Variants in CSMD1 observed in about 807,000 individuals in gnomAD.
The protein encoded by CSMD1 is CUB and Sushi multiple domains 1.
In CSMD1, 213 loss-of-function variants were observed where a neutral mutation model predicts 417.5. That is an observed-to-expected ratio of 0.51 (90% CI 0.46 to 0.57). CSMD1 has a LOEUF of 0.57. CSMD1 is among the 20% of genes least tolerant of loss of function. The probability of loss-of-function intolerance (pLI) is 0.00; values close to 1 mark genes in which losing one functional copy is unlikely to be tolerated. For synonymous variants in CSMD1, 2,862 were observed against 1,736.8 expected (o/e 1.65, Z -16.11); for missense variants, 6,923 against 4,529.7 (o/e 1.53, Z -15.17).
intron 2 of CSMD1, among the ~76,000 whole-genome samples, chr8:4,589,143 T>C (rs1037109615): frequency 1.3e-5 from 2 of 152,168 alleles, no homozygotes; most frequent in African/African-American, 2.4e-5. Context: ...AGAATTTTCA[T>C]TGCTCTCAAT....
At chr8:3,446,802 T>A (rs1187942871) in intron 12 of CSMD1, among the ~76,000 whole-genome samples, 1 of 152,240 alleles carries the variant, frequency 6.6e-6, no homozygotes, top group African/African-American at 2.4e-5. Flanking sequence ...GTTGGAAATA[T>A]AAATATGTAT....
At chr8:3,718,594 T>A (rs993358653) in intron 6 of CSMD1, among the ~76,000 whole-genome samples, 3 of 152,176 alleles carry the variant, frequency 2.0e-5, no homozygotes, top group Admixed American at 1.3e-4. Flanking sequence ...AAGATAAATG[T>A]CTCATATATG....
At chr8:3,705,676 C>G (rs1801127707) in intron 7 of CSMD1, among the ~76,000 whole-genome samples, 1 of 152,258 alleles carries the variant, frequency 6.6e-6, no homozygotes, top group South Asian at 2.1e-4. Context: ...CATAAATCTT[C>G]TGTCATATCC....
At chr8:2,939,435 C>T (rs978659896) in intron 69 of CSMD1, among the ~76,000 whole-genome samples, 2 of 152,164 alleles carry the variant, frequency 1.3e-5, no homozygotes, top group Non-Finnish European at 2.9e-5. Flanking sequence ...ACTGTTGTCA[C>T]ATTTTCTGGT....
Position 4,533,862 on chromosome 8 carries a change from TG to T in CSMD1, c.302+103479del, listed in dbSNP as rs770048548. Among the ~76,000 whole-genome samples, 20 of 150,010 alleles carry T rather than the reference TG, an allele frequency of 1.3e-4. No homozygotes were observed. The South Asian group carries it at 4.0e-3, about 30-fold the overall frequency. On this transcript the variant is annotated intron_variant, in intron 2 of 69. Coordinates refer to ENST00000635120, the MANE Select transcript of CSMD1 (RefSeq NM_033225.6). Reference sequence around the variant, plus strand: ...AAGTGACAAATCTGCCCTTTTGGAGTGTATGTATGTGTATAAATAAATATAT... The same window carrying T: ...AAGTGACAAATCTGCCCTTTTGGAGTTATGTATGTGTATAAATAAATATAT...
intron 10 of CSMD1, among the ~76,000 whole-genome samples, chr8:3,516,766 C>G (rs1585289244): frequency 2.0e-5 from 3 of 152,150 alleles, no homozygotes; most frequent in African/African-American, 7.2e-5. Context: ...TGCACCTTAT[C>G]TGTAGTTACA....
chr8:4,178,645 C>T (rs1446439350), intron 3 of CSMD1, among the ~76,000 whole-genome samples: 7 of 152,088 alleles, frequency 4.6e-5, no homozygotes, highest in African/African-American at 1.7e-4. Flanking sequence ...CAAATTGTCC[C>T]TTTTTGCAGA....
chr8:4,446,095 G>A (rs1050583740), intron 2 of CSMD1, among the ~76,000 whole-genome samples: 3 of 152,296 alleles, frequency 2.0e-5, no homozygotes, highest in African/African-American at 2.4e-5. Flanking sequence ...CGTGTTCACT[G>A]TAGACAGCAA....
chr8:4,841,797 G>A (rs1199440841), intron 1 of CSMD1, among the ~76,000 whole-genome samples: 1 of 150,670 alleles, frequency 6.6e-6, no homozygotes, highest in Admixed American at 6.7e-5. Flanking sequence ...TGTAATCCTA[G>A]CTACTCGGGA....
intron 5 of CSMD1, among the ~76,000 whole-genome samples, chr8:3,834,649 T>A (rs999067886): frequency 2.0e-5 from 3 of 152,180 alleles, no homozygotes; most frequent in Admixed American, 6.6e-5. Flanking sequence ...TAGTAAATTA[T>A]CAAACCTGAT....
intron 3 of CSMD1, among the ~76,000 whole-genome samples, chr8:4,293,093 G>A (rs76533076): frequency 0.031 from 4,722 of 152,160 alleles, 108 homozygotes; most frequent in Non-Finnish European, 0.052. Flanking sequence ...CTGCACATGC[G>A]GAAACAGCAG....
chr8:3,984,868 A>T (rs1414572307), intron 5 of CSMD1, among the ~76,000 whole-genome samples: 1 of 151,520 alleles, frequency 6.6e-6, no homozygotes, highest in Non-Finnish European at 1.5e-5. Flanking sequence ...AAATGAAGAG[A>T]AAGTTTGAAT....
intron 2 of CSMD1, among the ~76,000 whole-genome samples, chr8:4,611,869 T>A (rs1585329157): frequency 6.6e-6 from 1 of 152,306 alleles, no homozygotes; most frequent in Middle Eastern, 3.4e-3. Flanking sequence ...CCTGCCACCT[T>A]CATAATGCAT....
At chr8:3,305,624 C>G (rs773900861) in intron 25 of CSMD1, among the ~76,000 whole-genome samples, 17 of 151,982 alleles carry the variant, frequency 1.1e-4, no homozygotes, top group African/African-American at 2.7e-4. Context: ...ATGCCATGCC[C>G]TTGGACTTCC....
At chr8:3,770,364 A>G (rs1292677179) in intron 5 of CSMD1, among the ~76,000 whole-genome samples, 1 of 152,122 alleles carries the variant, frequency 6.6e-6, no homozygotes, top group South Asian at 2.1e-4. Context: ...CCCCGTCTCT[A>G]CTAAAAATAC....
intron 2 of CSMD1, among the ~76,000 whole-genome samples, chr8:4,424,211 A>G (rs1154045): frequency 0.016 from 2,399 of 152,194 alleles, 64 homozygotes; most frequent in African/African-American, 0.053. Flanking sequence ...TAAAAATTAA[A>G]AACTTTGGCT....
intron 7 of CSMD1, among the ~76,000 whole-genome samples, chr8:3,644,966 GA>G (rs71203456): frequency 0.051 from 3,317 of 64,442 alleles, 40 homozygotes; most frequent in South Asian, 0.084. Context: ...GGCTTTAAAT[GA>G]AAAAAAAAAA....
intron 3 of CSMD1, among the ~76,000 whole-genome samples, chr8:4,076,124 C>T (rs1799809575): frequency 1.3e-5 from 2 of 152,194 alleles, no homozygotes; most frequent in South Asian, 2.1e-4. Context: ...ATGGGAGGGA[C>T]CCTGTAGGAG....
At chr8:3,397,903 G>A (rs910530774) in intron 16 of CSMD1, among the ~76,000 whole-genome samples, 3 of 152,168 alleles carry the variant, frequency 2.0e-5, no homozygotes, top group Non-Finnish European at 4.4e-5. Context: ...TAAGGTGTCA[G>A]CCCATCGGTC....
Sources: gnomAD v4.1 joint callset for allele counts (sites outside exome capture counted in the v4.1 genomes callset) on GRCh38, gnomAD v4.1.1 for gene constraint, MANE v1.5 for transcripts, NCBI Gene and HGNC (gene_info 2026-07-23, HGNC 2026-07-21) for gene names.